KALRN: variants seen among roughly 807,000 people sequenced by gnomAD.
The protein encoded by KALRN is kalirin RhoGEF kinase, also known as kalirin.
A neutral mutation model predicts 353.7 loss-of-function variants in KALRN; 70 were observed. The ratio of observed to expected loss-of-function variants is 0.20; its 90% CI spans 0.16 to 0.24. The LOEUF is 0.24. KALRN is among the 10% of genes least tolerant of loss of function. The pLI is 1.00. For synonymous variants in KALRN, 1,391 were observed against 1,434.8 expected (o/e 0.97, Z 0.69); for missense variants, 2,791 against 3,756.7 (o/e 0.74, Z 6.72).
At chr3:124,495,309 C>T (rs1463185748) in intron 32 of KALRN, among the ~76,000 whole-genome samples, 1 of 152,120 alleles carries the variant, frequency 6.6e-6, no homozygotes, top group Non-Finnish European at 1.5e-5. Context: ...AAAACCCAGC[C>T]AGATGAAGGC....
chr3:124,314,993 G>A (rs2149331214), intron 6 of KALRN, among the ~76,000 whole-genome samples: 1 of 152,252 alleles, frequency 6.6e-6, no homozygotes, highest in South Asian at 2.1e-4. Context: ...CTAACAGAGT[G>A]AGAACACACT....
intron 6 of KALRN, among the ~76,000 whole-genome samples, chr3:124,305,949 G>C (rs1405906128): frequency 6.6e-6 from 1 of 152,028 alleles, no homozygotes. Flanking sequence ...CCAGATGTCA[G>C]ATTTTACAAA....
At chr3:124,320,626 A>T (rs1340161777) in intron 6 of KALRN, among the ~76,000 whole-genome samples, 2 of 152,194 alleles carry the variant, frequency 1.3e-5, no homozygotes, top group Non-Finnish European at 2.9e-5. Context: ...GGATGTGGCT[A>T]TCACATGCCA....
rs372438993 is a variant in KALRN, at chr3:124,157,886, G to T, written c.74-70104G>T. ...TCCCCTGCGAATGCCCCTGGTCCCA[G>T]CTCCTTCCTGAGTCCTGTTGCTCCA... On this transcript the variant is annotated intron_variant, in intron 1 of 59. Coordinates refer to ENST00000682506, the MANE Select transcript of KALRN (RefSeq NM_001388419.1). 1.7e-4 allele frequency among the ~76,000 whole-genome samples: 26 copies of T among 152,192 alleles called. No individual in the cohort carries two copies. The East Asian group carries it at 2.5e-3, about 15-fold the overall frequency.
intron 1 of KALRN, among the ~76,000 whole-genome samples, chr3:124,061,124 A>T (rs2041963159): frequency 6.6e-6 from 1 of 152,194 alleles, no homozygotes. Flanking sequence ...CACCTATGAC[A>T]CTAGCTGTGC....
chr3:124,094,444 A>T (rs568460394), intron 1 of KALRN, among the ~76,000 whole-genome samples: 1 of 152,268 alleles, frequency 6.6e-6, no homozygotes, highest in South Asian at 2.1e-4. Flanking sequence ...CTGGTGTGGG[A>T]GGTATGGAGG....
chr3:124,141,849 A>G (rs1320749511), intron 1 of KALRN, among the ~76,000 whole-genome samples: 2 of 151,736 alleles, frequency 1.3e-5, no homozygotes, highest in Non-Finnish European at 2.9e-5. Context: ...CCTTTTTCCT[A>G]TTAAATCTCA....
At chr3:124,140,578 T>A (rs1316449877) in intron 1 of KALRN, among the ~76,000 whole-genome samples, 1 of 152,208 alleles carries the variant, frequency 6.6e-6, no homozygotes, top group Non-Finnish European at 1.5e-5. Context: ...CTCCTGTGAT[T>A]CCCTGCCCAT....
At chr3:124,595,943 C>T (rs1165364657) in intron 34 of KALRN, among the ~76,000 whole-genome samples, 1 of 152,098 alleles carries the variant, frequency 6.6e-6, no homozygotes, top group African/African-American at 2.4e-5. Context: ...GGCAATATAT[C>T]ATGATGATTA....
chr3:124,519,268 T>A (rs1263598408), intron 33 of KALRN: 11 of 957,892 alleles, frequency 1.1e-5, no homozygotes, highest in Non-Finnish European at 1.4e-5. Context: ...TGATGGTACG[T>A]GGACATTCAT....
chr3:124,223,271 A>C (rs1374862770), intron 1 of KALRN, among the ~76,000 whole-genome samples: 1 of 152,128 alleles, frequency 6.6e-6, no homozygotes, highest in East Asian at 1.9e-4. Flanking sequence ...CCTTAGGAAT[A>C]GGAAAATTTC....
intron 13 of KALRN, among the ~76,000 whole-genome samples, chr3:124,408,863 A>G (rs2150209975): frequency 6.6e-6 from 1 of 152,350 alleles, no homozygotes; most frequent in East Asian, 1.9e-4. Context: ...GCTCTCTGAA[A>G]GCAGAGCTCA....
intron 5 of KALRN, among the ~76,000 whole-genome samples, chr3:124,279,814 C>G (rs1170837195): frequency 1.3e-5 from 2 of 152,186 alleles, no homozygotes; most frequent in African/African-American, 4.8e-5. Context: ...AGCCATTGCA[C>G]AGGTAAGTTC....
At chr3:124,515,483 C>T (rs572703710) in intron 33 of KALRN, among the ~76,000 whole-genome samples, 7 of 152,296 alleles carry the variant, frequency 4.6e-5, no homozygotes, top group African/African-American at 1.7e-4. Flanking sequence ...CTGCAAAACT[C>T]AGCTTTTCTG....
chr3:124,140,459 A>G (rs1233985450), intron 1 of KALRN, among the ~76,000 whole-genome samples: 1 of 152,116 alleles, frequency 6.6e-6, no homozygotes, highest in Non-Finnish European at 1.5e-5. Context: ...TATCTTGAGG[A>G]TGGAATTCAG....
chr3:124,225,877 G>A (rs983266985), intron 1 of KALRN, among the ~76,000 whole-genome samples: 4 of 152,160 alleles, frequency 2.6e-5, no homozygotes, highest in Admixed American at 2.0e-4. Flanking sequence ...GAGTTATGTG[G>A]ACTCTTTTTG....
intron 1 of KALRN, among the ~76,000 whole-genome samples, chr3:124,079,731 C>G (rs1003924172): frequency 2.6e-5 from 4 of 152,168 alleles, no homozygotes; most frequent in Admixed American, 2.6e-4. Context: ...TGACAGAGAG[C>G]TCATGATCTG....
chr3:124,094,819 A>C (rs1300394246), intron 1 of KALRN: 4 of 1,612,660 alleles, frequency 2.5e-6, no homozygotes, highest in Non-Finnish European at 3.4e-6. Flanking sequence ...CTGGCTGTGA[A>C]GGATGAGTTC....
chr3:124,428,489 G>T (rs1437241022), intron 15 of KALRN, among the ~76,000 whole-genome samples: 2 of 152,102 alleles, frequency 1.3e-5, no homozygotes, highest in African/African-American at 4.8e-5. Context: ...AAGTGATTTT[G>T]CCAGGTAAGT....
Sources: gnomAD v4.1 joint callset for allele counts (sites outside exome capture counted in the v4.1 genomes callset) on GRCh38, gnomAD v4.1.1 for gene constraint, MANE v1.5 for transcripts, NCBI Gene and HGNC (gene_info 2026-07-23, HGNC 2026-07-21) for gene names.